The following HHAT variants were observed in gnomAD, a reference collection of about 807,000 sequenced individuals.
HHAT encodes hedgehog acyltransferase.
In HHAT, 47 loss-of-function variants were observed where a neutral mutation model predicts 70.8. That is an observed-to-expected ratio of 0.66 (90% CI 0.53 to 0.85). HHAT has a LOEUF of 0.85. HHAT is among the 40% of genes least tolerant of loss of function. The pLI is 0.00. For synonymous variants in HHAT, 228 were observed against 247.6 expected, an observed-to-expected ratio of 0.92 and a Z score of 0.74; for missense variants, 609 against 604.8, an observed-to-expected ratio of 1.01 and a Z score of -0.07.
chr1:210,506,480 C>T (rs935241818), intron 8 of HHAT, among the ~76,000 whole-genome samples: 9 of 152,280 alleles, frequency 5.9e-5, no homozygotes, highest in Admixed American at 6.5e-5. Flanking sequence ...ATCATACACA[C>T]AAGATTTTCT....
At chr1:210,640,069 G>A (rs1672687993) in intron 11 of HHAT, among the ~76,000 whole-genome samples, 1 of 152,126 alleles carries the variant, frequency 6.6e-6, no homozygotes, top group Non-Finnish European at 1.5e-5. Context: ...TAATTTCCCT[G>A]CCTGGCTAGT....
rs138209726 is a variant in HHAT at position 210,496,871 on chromosome 1, A to C, written c.1008-16282A>C. 3.3e-5 allele frequency among the ~76,000 whole-genome samples: 5 copies of C among 152,336 alleles called. No individual in the cohort carries two copies. In the East Asian group the frequency reaches 9.6e-4, roughly 29 times the overall value. ...ATTGAGCCTGTACTAATGTCCTTTC[A>C]GAATCCTTCTGTCTGATTTCTGTAG... On this transcript the variant is annotated intron_variant, in intron 8 of 11. Transcript: ENST00000261458.
Position 210,418,207 on chromosome 1 carries a change from G to A in HHAT, c.738G>A (p.Leu246=). The change falls in exon 7 of 12, where the codon CTG becomes CTA. Residue 246 remains leucine (L), a synonymous_variant. Transcript: ENST00000261458. ...AGGCCAGCCTGTGTGTCCTGGCCCT[G>A]GGGCTGGGCCGCCTTCTTTGCTGGT... ...SLKASLCVLA[L]GLGRLLCWWW... The A allele has an allele frequency of 6.2e-7, 1 of 1,614,144 alleles. No individual in the cohort carries two copies. The highest frequency in any genetic ancestry group is 8.5e-7 in the Non-Finnish European group (1 of 1,180,000).
At chr1:210,650,492 A>T (rs1271177170) in intron 11 of HHAT, among the ~76,000 whole-genome samples, 1 of 152,144 alleles carries the variant, frequency 6.6e-6, no homozygotes, top group Non-Finnish European at 1.5e-5. Flanking sequence ...GTCACCCTTA[A>T]AAAGGGTTGA....
At chr1:210,604,682 G>A (rs1354670434) in intron 10 of HHAT, among the ~76,000 whole-genome samples, 1 of 152,078 alleles carries the variant, frequency 6.6e-6, no homozygotes, top group Non-Finnish European at 1.5e-5. Context: ...ATTCACCCTA[G>A]GGAGGTTTTG....
At chr1:210,465,598 C>T (rs1364505234) in intron 8 of HHAT, among the ~76,000 whole-genome samples, 3 of 152,196 alleles carry the variant, frequency 2.0e-5, no homozygotes, top group African/African-American at 7.2e-5. Context: ...CTCAGCCCCC[C>T]AGTAGTTGGG....
chr1:210,342,976 C>T (rs1345060390), intron 1 of HHAT, among the ~76,000 whole-genome samples: 2 of 152,030 alleles, frequency 1.3e-5, no homozygotes, highest in African/African-American at 2.4e-5. Context: ...GATAAGTGGG[C>T]GAGTGTTGAA....
intron 8 of HHAT, among the ~76,000 whole-genome samples, chr1:210,478,468 T>C (rs114059946): frequency 0.014 from 2,037 of 149,774 alleles, 52 homozygotes; most frequent in African/African-American, 0.047. Context: ...TTGGCTGTGG[T>C]CCTTGGCTAT....
At chr1:210,575,553 G>A (rs1573447441) in intron 9 of HHAT, among the ~76,000 whole-genome samples, 1 of 152,122 alleles carries the variant, frequency 6.6e-6, no homozygotes, top group East Asian at 1.9e-4. Context: ...AGAAGAAGAG[G>A]GTTAGAAACC....
At chr1:210,530,634 T>C (rs892615352) in intron 9 of HHAT, among the ~76,000 whole-genome samples, 4 of 152,152 alleles carry the variant, frequency 2.6e-5, no homozygotes, top group African/African-American at 9.7e-5. Flanking sequence ...GAAAAGCATT[T>C]GCAGACTTTG....
intron 10 of HHAT, chr1:210,589,227 A>G (rs1041467846): frequency 4.6e-5 from 7 of 152,254 alleles, no homozygotes; most frequent in Non-Finnish European, 1.0e-4. Context: ...ACATTTACAT[A>G]TGTTTTTATA....
intron 7 of HHAT, among the ~76,000 whole-genome samples, chr1:210,426,289 C>T (rs11119491): frequency 0.44 from 66,711 of 151,916 alleles, 14,790 homozygotes; most frequent in Admixed American, 0.53. Flanking sequence ...TACCTATAAA[C>T]GGGTAGTTTT....
intron 9 of HHAT, among the ~76,000 whole-genome samples, chr1:210,567,178 A>G (rs928825565): frequency 6.6e-6 from 1 of 152,228 alleles, no homozygotes; most frequent in Non-Finnish European, 1.5e-5. Flanking sequence ...AATAGTGCCC[A>G]TTTTGAAATC....
chr1:210,442,521 T>A (rs1391485262), intron 7 of HHAT, among the ~76,000 whole-genome samples: 2 of 151,108 alleles, frequency 1.3e-5, no homozygotes, highest in Non-Finnish European at 3.0e-5. Context: ...TGTTGTTTCC[T>A]GACTTTTTAA....
intron 1 of HHAT, among the ~76,000 whole-genome samples, chr1:210,341,685 A>G (rs2086052677): frequency 6.6e-6 from 1 of 152,248 alleles, no homozygotes. Flanking sequence ...ATTCCAAAGT[A>G]AATGCAAATG....
intron 1 of HHAT, among the ~76,000 whole-genome samples, chr1:210,329,689 G>A (rs1413042188): frequency 1.3e-5 from 2 of 152,150 alleles, no homozygotes; most frequent in African/African-American, 2.4e-5. Context: ...TAGGGCATTT[G>A]GCATCCTCAG....
chr1:210,571,458 C>T (rs1019388985), intron 9 of HHAT, among the ~76,000 whole-genome samples: 1 of 152,146 alleles, frequency 6.6e-6, no homozygotes, highest in Non-Finnish European at 1.5e-5. Flanking sequence ...GAGCTTGGAA[C>T]AGCACATCTT....
At chr1:210,374,691 C>G (rs74374729) in intron 3 of HHAT, among the ~76,000 whole-genome samples, 3,592 of 151,822 alleles carry the variant, frequency 0.024, 59 homozygotes, top group Middle Eastern at 0.059. Context: ...AACAATTACA[C>G]ATTTACAGGA....
At chr1:210,635,881 A>G (rs1396564193) in intron 11 of HHAT, among the ~76,000 whole-genome samples, 1 of 152,098 alleles carries the variant, frequency 6.6e-6, no homozygotes, top group African/African-American at 2.4e-5. Flanking sequence ...TATTCCACGT[A>G]CTACCTGAAT....
Sources: gnomAD v4.1 joint callset for allele counts (sites outside exome capture counted in the v4.1 genomes callset) on GRCh38, gnomAD v4.1.1 for gene constraint, MANE v1.5 for transcripts, NCBI Gene and HGNC (gene_info 2026-07-23, HGNC 2026-07-21) for gene names.